FRMPD4: variants seen among roughly 807,000 people sequenced by gnomAD.
FRMPD4 encodes FERM and PDZ domain containing 4.
Under a neutral mutation model 94.1 loss-of-function variants are expected in FRMPD4, and 22 were observed. That is an observed-to-expected ratio of 0.23 (90% CI 0.17 to 0.33). The LOEUF is 0.33. Ranked by LOEUF, FRMPD4 falls within the 10% of genes least tolerant of loss-of-function variation. The pLI is 1.00. For synonymous variants in FRMPD4, 631 were observed against 548.6 expected (o/e 1.15, Z -2.10); for missense variants, 1,111 against 1,339.9 (o/e 0.83, Z 2.67).
chrX:12,115,019 C>T (rs1417138631), intron 3 of FRMPD4, among the ~76,000 whole-genome samples: 1 of 111,624 alleles, frequency 9.0e-6, no homozygotes, highest in East Asian at 2.8e-4. Flanking sequence ...TAAAGCCAGT[C>T]TTGAATACAT....
rs754707569 is a variant in FRMPD4 at position 11,971,932 on chromosome X, C to T, written c.95+93914C>T. 2.7e-5 allele frequency among the ~76,000 whole-genome samples: 3 copies of T among 111,933 alleles called. No individual in the cohort carries two copies. The East Asian group carries it at 8.4e-4, about 31-fold the overall frequency. On this transcript the variant is annotated intron_variant, in intron 3 of 18. Transcript: ENST00000640291. Reference sequence around the variant, plus strand: ...GGTTTAATCAGAGTGGAGCTTAGGACTTTTGTTTGGTTGTTTGGTGAACAG... The same window carrying T: ...GGTTTAATCAGAGTGGAGCTTAGGATTTTTGTTTGGTTGTTTGGTGAACAG...
At chrX:12,021,711 T>C (rs6640865) in intron 3 of FRMPD4, among the ~76,000 whole-genome samples, 7,491 of 111,405 alleles carry the variant, frequency 0.067, 269 homozygotes, top group East Asian at 0.24. Context: ...CCTGGAAATT[T>C]ATGCACAGCT....
At chrX:12,693,409 C>T (rs745744146) in intron 8 of FRMPD4, among the ~76,000 whole-genome samples, 5 of 111,985 alleles carry the variant, frequency 4.5e-5, no homozygotes, top group Admixed American at 9.5e-5. Context: ...AATTAAGAAA[C>T]GAACTTCTAG....
chrX:12,173,113 G>A (rs6639153), intron 1 of FRMPD4, among the ~76,000 whole-genome samples: 8,321 of 112,377 alleles, frequency 0.074, 894 homozygotes, highest in East Asian at 0.6. Context: ...CAAGCTCAAG[G>A]TCTCTATGTC....
At chrX:12,341,726 G>T (rs2055617476) in intron 1 of FRMPD4, 1 of 274,908 alleles carries the variant, frequency 3.6e-6, no homozygotes, top group Non-Finnish European at 7.1e-6. Context: ...GTTGACTATT[G>T]TTATGACTCT....
intron 1 of FRMPD4, among the ~76,000 whole-genome samples, chrX:12,221,920 A>G (rs1222938311): frequency 8.9e-6 from 1 of 112,454 alleles, no homozygotes; most frequent in Non-Finnish European, 1.9e-5. Flanking sequence ...GATGATGTTT[A>G]TGAAGATTTT....
At chrX:12,505,326 C>T (rs775942161) in intron 2 of FRMPD4, among the ~76,000 whole-genome samples, 1 of 111,591 alleles carries the variant, frequency 9.0e-6, no homozygotes, top group African/African-American at 3.3e-5. Flanking sequence ...CCAAATGCCA[C>T]GTGGGGGTGT....
chrX:12,600,444 A>G (rs758790016), intron 2 of FRMPD4, among the ~76,000 whole-genome samples: 1 of 112,537 alleles, frequency 8.9e-6, no homozygotes, highest in African/African-American at 3.2e-5. Flanking sequence ...GTTTTTATCT[A>G]TGCATATTTG....
At chrX:12,018,330 C>T (rs762611203) in intron 3 of FRMPD4, among the ~76,000 whole-genome samples, 2 of 111,772 alleles carry the variant, frequency 1.8e-5, no homozygotes, top group East Asian at 5.6e-4. Context: ...CCAAACTCTG[C>T]CTCCATATTC....
chrX:12,526,736 C>T (rs933262607), intron 2 of FRMPD4, among the ~76,000 whole-genome samples: 3 of 112,397 alleles, frequency 2.7e-5, no homozygotes, highest in Non-Finnish European at 3.8e-5. Flanking sequence ...AGATAGCTAA[C>T]AGGTGACAAC....
chrX:12,405,286 T>A (rs6640979), intron 1 of FRMPD4, among the ~76,000 whole-genome samples: 2 of 111,363 alleles, frequency 1.8e-5, no homozygotes, highest in East Asian at 5.6e-4. Context: ...AAAGGAGAAC[T>A]CATAGAAAGA....
chrX:12,124,371 G>A (rs1009603311), intron 3 of FRMPD4, among the ~76,000 whole-genome samples: 1 of 112,085 alleles, frequency 8.9e-6, no homozygotes, highest in Admixed American at 9.5e-5. Flanking sequence ...ACCCATTGGG[G>A]TTTCTTTATT....
Position 12,492,041 on chromosome X carries a change from T to C in FRMPD4, c.42-6639T>C, listed in dbSNP as rs1029110294. Among the ~76,000 whole-genome samples, 3 of 112,134 alleles carry C rather than the reference T, an allele frequency of 2.7e-5. No individual in the cohort carries two copies. The Admixed American group carries it at 2.8e-4, about 11-fold the overall frequency. On this transcript the variant is annotated intron_variant, in intron 1 of 16. Coordinates refer to ENST00000675598, the MANE Select transcript of FRMPD4 (RefSeq NM_001368397.1). ...ATGCTAATTATATTGTCCTTCCACA[T>C]TTACAGAGTTGGAGAATTCAGTGAA...
At chrX:12,476,938 C>T (rs1197676163) in intron 1 of FRMPD4, among the ~76,000 whole-genome samples, 1 of 111,397 alleles carries the variant, frequency 9.0e-6, no homozygotes, top group Admixed American at 9.5e-5. Context: ...CTAGAAATAC[C>T]ATTTGACCCA....
At chrX:12,220,528 T>A (rs895273971) in intron 1 of FRMPD4, among the ~76,000 whole-genome samples, 3 of 112,006 alleles carry the variant, frequency 2.7e-5, no homozygotes, top group Non-Finnish European at 5.6e-5. Context: ...CAGGATTGAT[T>A]TAAGTTTAGG....
chrX:12,386,048 G>C (rs2056393284), intron 1 of FRMPD4, among the ~76,000 whole-genome samples: 1 of 111,975 alleles, frequency 8.9e-6, no homozygotes, highest in South Asian at 3.7e-4. Flanking sequence ...TCTCTTCATT[G>C]AACTTGAAGA....
intron 1 of FRMPD4, among the ~76,000 whole-genome samples, chrX:12,450,708 C>G: frequency 9.1e-6 from 1 of 110,028 alleles, no homozygotes; most frequent in Non-Finnish European, 1.9e-5. Context: ...TGGATAGCAG[C>G]CAGCAAAAAC....
At chrX:12,382,512 A>G (rs1031182266) in intron 1 of FRMPD4, among the ~76,000 whole-genome samples, 1 of 62,409 alleles carries the variant, frequency 1.6e-5, no homozygotes, top group Non-Finnish European at 3.0e-5. Context: ...ATAGCATAGC[A>G]TAGCATAGCA....
intron 3 of FRMPD4, among the ~76,000 whole-genome samples, chrX:11,973,443 C>A (rs2054351260): frequency 9.0e-6 from 1 of 111,260 alleles, no homozygotes; most frequent in South Asian, 3.8e-4. Flanking sequence ...CTTGATGTAG[C>A]CAGGACATCA....
Sources: gnomAD v4.1 joint callset for allele counts (sites outside exome capture counted in the v4.1 genomes callset) on GRCh38, gnomAD v4.1.1 for gene constraint, MANE v1.5 for transcripts, NCBI Gene and HGNC (gene_info 2026-07-23, HGNC 2026-07-21) for gene names.